The following ANKRD13A variants were observed in gnomAD, a reference collection of about 807,000 sequenced individuals.
ANKRD13A encodes ankyrin repeat domain 13A.
Under a neutral mutation model 81.3 loss-of-function variants are expected in ANKRD13A, and 48 were observed. The ratio of observed to expected loss-of-function variants is 0.59; its 90% CI spans 0.47 to 0.75. The LOEUF (loss-of-function observed/expected upper bound fraction) is 0.75, where lower values mean the gene tolerates loss of function less well. Ranked by LOEUF, ANKRD13A falls within the 30% of genes least tolerant of loss-of-function variation. The pLI is 0.00. For missense variants in ANKRD13A, 612 were observed against 734.0 expected, an observed-to-expected ratio of 0.83 and a Z score of 1.92; for synonymous variants, 230 against 270.1, an observed-to-expected ratio of 0.85 and a Z score of 1.45.
In ANKRD13A at chr12:109,999,544, A is replaced by G. The variant is rs1889827611; in HGVS notation, c.-145A>G. 2.3e-5 allele frequency: 12 copies of G among 513,430 alleles called. No individual in the cohort carries two copies. In the South Asian group the frequency reaches 7.9e-4, roughly 34 times the overall value. 31.8% of individuals were successfully genotyped at this position (513,430 alleles called of 1,614,324 possible). A position where few individuals can be genotyped will look rare whatever the true frequency, so the allele number is the denominator to read the frequency against. ...ACCCCGGACCTCCCGCGCGCCCCGC[A>G]CCCGACCGGCTCAGCCGGCCGGCAG... is the stretch of plus-strand genomic sequence containing the variant. On this transcript the variant is annotated 5_prime_UTR_variant, in exon 1 of 15. Transcript: ENST00000261739. The surrounding 1 kb of genome is among the most constrained non-coding windows in gnomAD (Gnocchi z 4.3).
In ANKRD13A at chr12:110,019,329, G is replaced by C; in HGVS notation, c.734+1G>C. On this transcript the variant is annotated splice_donor_variant, in intron 6 of 14. Coordinates refer to ENST00000261739, the MANE Select transcript of ANKRD13A (RefSeq NM_033121.2). LOFTEE classifies it high-confidence loss of function. ...ATACTAAAAATATTGCTTTTGAAAG[G>C]TACAAATTTAGACTCTAAATTTTAA... The C allele has an allele frequency of 6.3e-7, 1 of 1,596,258 alleles. No individual in the cohort carries two copies. Among genetic ancestry groups the C allele is most frequent in the Non-Finnish European group, 8.6e-7 (1 of 1,169,456 alleles).
In ANKRD13A at chr12:110,016,625, C is replaced by T. The variant is rs567964826; in HGVS notation, c.400+192C>T. Among the ~76,000 whole-genome samples, 8 of 152,194 alleles carry T rather than the reference C, an allele frequency of 5.3e-5. No individual in the cohort carries two copies. In the South Asian group the frequency reaches 1.0e-3, roughly 20 times the overall value. On this transcript the variant is annotated intron_variant, in intron 4 of 14. Transcript: ENST00000261739. ...GTTAATGCTTTGGGTGTTTTTCATCCGGTCTTCCCCGCCATGCATAGGACT... is the reference window on the plus strand; with the variant it reads ...GTTAATGCTTTGGGTGTTTTTCATCTGGTCTTCCCCGCCATGCATAGGACT...
At chr12:110,003,646 C>T (rs1421791487) in intron 1 of ANKRD13A, among the ~76,000 whole-genome samples, 1 of 152,194 alleles carries the variant, frequency 6.6e-6, no homozygotes, top group Non-Finnish European at 1.5e-5. Context: ...ATGCCAGGTA[C>T]CAAGGCACAG....
chr12:110,024,843 T>C (rs986553495), intron 7 of ANKRD13A, among the ~76,000 whole-genome samples: 5 of 152,250 alleles, frequency 3.3e-5, no homozygotes, highest in Non-Finnish European at 5.9e-5. Context: ...CTTTGTTAAC[T>C]GTTATGTTTG....
intron 1 of ANKRD13A, among the ~76,000 whole-genome samples, chr12:110,000,843 C>T (rs1272936606): frequency 3.3e-5 from 5 of 150,902 alleles, no homozygotes; most frequent in Non-Finnish European, 5.9e-5. Flanking sequence ...CTGCAACCTC[C>T]GCCTCCTGGG....
chr12:110,010,794 A>ATTG (rs1890478699), intron 1 of ANKRD13A, among the ~76,000 whole-genome samples: 1 of 152,184 alleles, frequency 6.6e-6, no homozygotes, highest in Non-Finnish European at 1.5e-5. Context: ...TAGCTATTGG[A>ATTG]TTGTGGTGGT....
rs567477336 is a variant in ANKRD13A at position 110,035,647 on chromosome 12, A to C, written c.1510-614A>C. Among the ~76,000 whole-genome samples, 6 of 152,042 alleles carry C rather than the reference A, an allele frequency of 3.9e-5. No homozygotes were observed. The South Asian group carries it at 1.2e-3, about 32-fold the overall frequency. On this transcript the variant is annotated intron_variant, in intron 13 of 14. Coordinates refer to ENST00000261739, the MANE Select transcript of ANKRD13A (RefSeq NM_033121.2). ...GTGTTTTTAGTAGAGACGGGGTTTTACCATGTTGTCCAGGCTGATCCCAAA... is the reference window on the plus strand; with the variant it reads ...GTGTTTTTAGTAGAGACGGGGTTTTCCCATGTTGTCCAGGCTGATCCCAAA...
chr12:110,016,523 T>G (rs1890812126), intron 4 of ANKRD13A, 90 bp downstream of exon 4: 1 of 1,277,434 alleles, frequency 7.8e-7, no homozygotes. Context: ...AAGTTACATG[T>G]ATTTTTTTTT....
intron 3 of ANKRD13A, 54 bp downstream of exon 3, chr12:110,013,303 A>C (rs917874854): frequency 6.2e-6 from 10 of 1,604,382 alleles, no homozygotes; most frequent in Non-Finnish European, 8.5e-6. Flanking sequence ...TGATACAATT[A>C]CTGGAGACAC....
In ANKRD13A at chr12:110,036,342, G is replaced by A. The variant is rs79504243; in HGVS notation, c.1577+14G>A. The A allele has an allele frequency of 0.012, 19,269 of 1,613,272 alleles. 424 individuals are homozygous for A. Among genetic ancestry groups the A allele is most frequent in the African/African-American group, 0.068 (5,071 of 74,976 alleles). ...CCAGTATGAGAGGTGATTGACTGAC[G>A]TGACTCTGGAATAAACCAGGGTGAA... On this transcript the variant is annotated intron_variant, in intron 14 of 14. Transcript: ENST00000261739. The surrounding 1 kb of genome is among the most constrained non-coding windows in gnomAD (Gnocchi z 4.6).
intron 1 of ANKRD13A, among the ~76,000 whole-genome samples, chr12:110,001,439 T>C (rs1424679480): frequency 6.6e-6 from 1 of 151,448 alleles, no homozygotes; most frequent in Non-Finnish European, 1.5e-5. Flanking sequence ...TCTGTTTCTT[T>C]TTTTTTTTTT....
chr12:110,014,589 A>G (rs1281329460), intron 3 of ANKRD13A, among the ~76,000 whole-genome samples: 1 of 152,148 alleles, frequency 6.6e-6, no homozygotes, highest in East Asian at 1.9e-4. Flanking sequence ...GTCTTTCAAC[A>G]GTATCTCCTT....
At chr12:110,008,923 G>A (rs536729512) in intron 1 of ANKRD13A, among the ~76,000 whole-genome samples, 2 of 152,170 alleles carry the variant, frequency 1.3e-5, no homozygotes, top group Admixed American at 6.5e-5. Context: ...TTTTTGGTGG[G>A]CAGTTTTAAA....
intron 7 of ANKRD13A, 108 bp downstream of exon 7, chr12:110,024,220 G>A (rs769908812): frequency 1.0e-6 from 1 of 980,220 alleles, no homozygotes; most frequent in East Asian, 2.5e-5. Context: ...AGATGCTCTG[G>A]GGAATGAGAA....
intron 1 of ANKRD13A, among the ~76,000 whole-genome samples, chr12:110,006,375 G>T (rs944733499): frequency 3.3e-5 from 5 of 152,132 alleles, no homozygotes; most frequent in Non-Finnish European, 7.4e-5. Flanking sequence ...GCATCTCATT[G>T]TGGTTTTGAT....
In ANKRD13A at chr12:110,018,497, C is replaced by T. The variant is rs1890908033; in HGVS notation, c.544+9C>T. The T allele has an allele frequency of 6.2e-7, 1 of 1,613,144 alleles. No individual in the cohort carries two copies. The highest frequency in any genetic ancestry group is 1.3e-5 in the African/African-American group (1 of 74,876). Reference sequence around the variant, plus strand: ...TATATTTAAGGGAGAAGGTGAGTGACTTCTCTTGTAGTAATCACTGCTCAA... The same window carrying T: ...TATATTTAAGGGAGAAGGTGAGTGATTTCTCTTGTAGTAATCACTGCTCAA... On this transcript the variant is annotated intron_variant, in intron 5 of 14. Coordinates refer to ENST00000261739, the MANE Select transcript of ANKRD13A (RefSeq NM_033121.2). This position sits in a 1 kb window ranked among gnomAD's most constrained non-coding sequence, Gnocchi z 4.4.
intron 1 of ANKRD13A, among the ~76,000 whole-genome samples, chr12:110,008,471 C>T (rs1350843103): frequency 1.3e-5 from 2 of 152,122 alleles, no homozygotes; most frequent in Middle Eastern, 3.4e-3. Flanking sequence ...TTTCTTGTGA[C>T]GCATTTGTCA....
intron 11 of ANKRD13A, among the ~76,000 whole-genome samples, chr12:110,030,147 G>C (rs887608141): frequency 6.6e-6 from 1 of 151,828 alleles, no homozygotes. Context: ...CTGTGATCTA[G>C]GAGAAAATAC....
At chr12:110,005,763 CGCCACTTTTTG>C (rs1380177843) in intron 1 of ANKRD13A, among the ~76,000 whole-genome samples, 5 of 152,052 alleles carry the variant, frequency 3.3e-5, no homozygotes, top group African/African-American at 1.2e-4. Flanking sequence ...TTTGGGTTGT[CGCCACTTTTTG>C]GCTATTATGA....
Sources: allele counts gnomAD v4.1 joint callset (sites outside exome capture counted in the v4.1 genomes callset), GRCh38; gene constraint gnomAD v4.1.1; non-coding constraint Gnocchi (gnomAD v3.1); transcripts MANE v1.5; gene names NCBI Gene and HGNC (gene_info 2026-07-23, HGNC 2026-07-21).